IL1RAPL1: variants seen among roughly 807,000 people sequenced by gnomAD.
The protein encoded by IL1RAPL1 is interleukin-1 receptor accessory protein-like 1.
Under a neutral mutation model 48.4 loss-of-function variants are expected in IL1RAPL1, and 3 were observed. That is an observed-to-expected ratio of 0.06 (90% CI 0.03 to 0.16). The LOEUF is 0.16. IL1RAPL1 is among the 10% of genes least tolerant of loss of function. The pLI, the probability that IL1RAPL1 is intolerant of heterozygous loss-of-function variation, is 1.00. For missense variants in IL1RAPL1, 349 were observed against 530.6 expected (o/e 0.66, Z 3.36); for synonymous variants, 185 against 187.7 (o/e 0.99, Z 0.12).
At chrX:28,915,499 G>A (rs951327313) in intron 2 of IL1RAPL1, among the ~76,000 whole-genome samples, 2 of 111,787 alleles carry the variant, frequency 1.8e-5, no homozygotes, top group East Asian at 2.8e-4. Context: ...TATTGAATGC[G>A]TATAACATCT....
chrX:29,319,260 C>G (rs1164397642), intron 3 of IL1RAPL1, among the ~76,000 whole-genome samples: 1 of 107,906 alleles, frequency 9.3e-6, no homozygotes, highest in Non-Finnish European at 1.9e-5. Context: ...GGGGTGATCA[C>G]GGCTCACAGC....
chrX:28,949,320 C>A (rs1924389030), intron 2 of IL1RAPL1, among the ~76,000 whole-genome samples: 1 of 106,912 alleles, frequency 9.4e-6, no homozygotes, highest in African/African-American at 3.4e-5. Flanking sequence ...TGTGTGCTTT[C>A]ATTTGCACAT....
At chrX:29,563,767 A>G (rs1180345307) in intron 5 of IL1RAPL1, among the ~76,000 whole-genome samples, 1 of 112,163 alleles carries the variant, frequency 8.9e-6, no homozygotes, top group African/African-American at 3.2e-5. Context: ...GTTATTATCA[A>G]CTTACTTGCC....
intron 5 of IL1RAPL1, among the ~76,000 whole-genome samples, chrX:29,413,934 T>C (rs761359619): frequency 9.0e-6 from 1 of 110,874 alleles, no homozygotes; most frequent in South Asian, 3.8e-4. Context: ...TGTATATATA[T>C]GTGTGTGTGT....
At chrX:29,065,613 T>C (rs1280885072) in intron 2 of IL1RAPL1, among the ~76,000 whole-genome samples, 1 of 111,971 alleles carries the variant, frequency 8.9e-6, no homozygotes, top group East Asian at 2.8e-4. Flanking sequence ...TATGTTTCTC[T>C]TCACTTTCTG....
At chrX:29,111,467 A>G (rs948028004) in intron 2 of IL1RAPL1, among the ~76,000 whole-genome samples, 2 of 111,830 alleles carry the variant, frequency 1.8e-5, no homozygotes, top group Admixed American at 9.5e-5. Context: ...TGTATGATAT[A>G]AACATATGGT....
chrX:29,386,081 G>T (rs893593920), intron 3 of IL1RAPL1, among the ~76,000 whole-genome samples: 40 of 111,924 alleles, frequency 3.6e-4, no homozygotes, highest in African/African-American at 1.1e-3. Flanking sequence ...TCAGGCTGGA[G>T]TACAGTAGCA....
intron 2 of IL1RAPL1, among the ~76,000 whole-genome samples, chrX:28,926,397 T>C (rs1278814983): frequency 9.0e-6 from 1 of 111,617 alleles, no homozygotes; most frequent in Non-Finnish European, 1.9e-5. Context: ...TTAGGTGTTG[T>C]ATTTTCTGAA....
chrX:29,639,403 T>C (rs1021622972), intron 5 of IL1RAPL1, among the ~76,000 whole-genome samples: 1 of 110,845 alleles, frequency 9.0e-6, no homozygotes, highest in African/African-American at 3.3e-5. Context: ...CTATGCATAG[T>C]GTGGTGTTTC....
intron 5 of IL1RAPL1, among the ~76,000 whole-genome samples, chrX:29,576,899 C>A (rs867208121): frequency 9.5e-6 from 1 of 105,567 alleles, no homozygotes; most frequent in Non-Finnish European, 2.0e-5. Context: ...TTGTTGGTTA[C>A]AAAAAAAAAA....
chrX:29,416,351 C>T (rs1224674550), intron 5 of IL1RAPL1, among the ~76,000 whole-genome samples: 1 of 111,224 alleles, frequency 9.0e-6, no homozygotes, highest in Non-Finnish European at 1.9e-5. Flanking sequence ...GAGTTCGAGA[C>T]ATGGTGACAC....
intron 1 of IL1RAPL1, among the ~76,000 whole-genome samples, chrX:28,636,961 G>A (rs1424961790): frequency 1.8e-5 from 2 of 111,223 alleles, no homozygotes; most frequent in Admixed American, 9.6e-5. Context: ...GACTAACAAT[G>A]TTTGCCGTAC....
intron 2 of IL1RAPL1, among the ~76,000 whole-genome samples, chrX:28,933,649 C>T (rs753303996): frequency 3.6e-5 from 4 of 111,058 alleles, no homozygotes; most frequent in African/African-American, 9.8e-5. Flanking sequence ...GGGGAGAGTC[C>T]GTACAGTAAA....
rs143735466 is a variant in IL1RAPL1 at position 29,806,552 on chromosome X, A to C, written c.779-110912A>C. ...ATAGGAGGACTTGCCATACCAGATA[A>C]TATTGTCATGGGTCAATCATAGTCT... is the stretch of plus-strand genomic sequence containing the variant. On this transcript the variant is annotated intron_variant, in intron 6 of 10. Coordinates refer to ENST00000378993, the MANE Select transcript of IL1RAPL1 (RefSeq NM_014271.4). Among the ~76,000 whole-genome samples, 368 of 110,647 alleles carry C rather than the reference A, an allele frequency of 3.3e-3. 5 individuals carry two copies. The highest frequency in any genetic ancestry group is 0.019 in the East Asian group (68 of 3,525).
intron 5 of IL1RAPL1, among the ~76,000 whole-genome samples, chrX:29,473,606 C>A (rs188516807): frequency 1.1e-5 from 1 of 88,468 alleles, no homozygotes; most frequent in Non-Finnish European, 2.2e-5. Context: ...CCACCCCCCA[C>A]GACCCCTCAG....
intron 1 of IL1RAPL1, among the ~76,000 whole-genome samples, chrX:28,639,842 G>T (rs1601843158): frequency 8.9e-6 from 1 of 112,033 alleles, no homozygotes; most frequent in East Asian, 2.8e-4. Context: ...ATCATGAACT[G>T]TAGTCTGTCC....
At chrX:29,872,500 G>A (rs1312409114) in intron 6 of IL1RAPL1, among the ~76,000 whole-genome samples, 1 of 111,413 alleles carries the variant, frequency 9.0e-6, no homozygotes, top group Admixed American at 9.5e-5. Context: ...AATATTAAGA[G>A]GTGAGACCTT....
At chrX:29,718,460 G>A (rs1419987052) in intron 6 of IL1RAPL1, among the ~76,000 whole-genome samples, 1 of 106,300 alleles carries the variant, frequency 9.4e-6, no homozygotes, top group Non-Finnish European at 1.9e-5. Context: ...TGTTTGGGGG[G>A]TGGGGGACTA....
intron 6 of IL1RAPL1, among the ~76,000 whole-genome samples, chrX:29,713,151 TAAAG>T (rs976138633): frequency 2.7e-5 from 3 of 111,894 alleles, no homozygotes; most frequent in African/African-American, 9.7e-5. Flanking sequence ...TAAAAAATTA[TAAAG>T]AAAGATCACT....
Sources: allele counts gnomAD v4.1 joint callset (sites outside exome capture counted in the v4.1 genomes callset), GRCh38; gene constraint gnomAD v4.1.1; transcripts MANE v1.5; gene names NCBI Gene and HGNC (gene_info 2026-07-23, HGNC 2026-07-21).